Variants in RHBDL2 observed in about 807,000 individuals in gnomAD.
RHBDL2 encodes the protein rhomboid-related protein 2.
A neutral mutation model predicts 31.7 loss-of-function variants in RHBDL2; 26 were observed. That is an observed-to-expected ratio of 0.82 (90% CI 0.60 to 1.14). The LOEUF (loss-of-function observed/expected upper bound fraction) is 1.14. RHBDL2 is among the 50% of genes most tolerant of loss of function. The pLI is 0.00. For synonymous variants in RHBDL2, 123 were observed against 127.2 expected (o/e 0.97, Z 0.22); for missense variants, 336 against 364.4 (o/e 0.92, Z 0.63).
intron 4 of RHBDL2, among the ~76,000 whole-genome samples, chr1:38,898,277 C>A (rs921889408): frequency 3.3e-5 from 5 of 152,166 alleles, no homozygotes; most frequent in Non-Finnish European, 7.3e-5. Context: ...GCACTCCAGC[C>A]TGGTGACAGA....
At chr1:38,894,543 G>A (rs1247287549) in intron 5 of RHBDL2, among the ~76,000 whole-genome samples, 7 of 151,636 alleles carry the variant, frequency 4.6e-5, no homozygotes, top group African/African-American at 7.3e-5. Flanking sequence ...GGATGGTCCC[G>A]ATCTCTTGAC....
intron 6 of RHBDL2, among the ~76,000 whole-genome samples, chr1:38,890,892 C>T (rs1477154356): frequency 6.6e-6 from 1 of 152,140 alleles, no homozygotes; most frequent in East Asian, 1.9e-4. Flanking sequence ...CAGAGTCTCC[C>T]TATGTTTCAC....
chr1:38,910,988 AG>A (rs1394325739), intron 4 of RHBDL2, among the ~76,000 whole-genome samples: 3 of 152,084 alleles, frequency 2.0e-5, no homozygotes, highest in Admixed American at 1.3e-4. Context: ...CATATTGGCC[AG>A]GCTGGTCTCG....
chr1:38,919,779 G>A lies in RHBDL2; in HGVS notation c.-125-442C>T, dbSNP rs187995154. Among the ~76,000 whole-genome samples the A allele has an allele frequency of 4.2e-3, 636 of 151,964 alleles. 4 individuals carry two copies. Among genetic ancestry groups the A allele is most frequent in the Non-Finnish European group, 5.7e-3 (389 of 67,978 alleles). On this transcript the variant is annotated intron_variant, in intron 1 of 7. Transcript: ENST00000372990. ...AGTAGAGACAGGGTTTCACCATGTT[G>A]GCCAGGCTGGTCTCGAACTCCTGAC...
chr1:38,929,526 T>TAAA, intron 1 of RHBDL2: 1 of 1,289,404 alleles, frequency 7.8e-7, no homozygotes, highest in Non-Finnish European at 1.0e-6. Flanking sequence ...AGGGAGGTTT[T>TAAA]AAATATCTGA....
chr1:38,929,848 TGCTTTTTTA>T (rs757787455), intron 1 of RHBDL2, among the ~76,000 whole-genome samples: 73 of 152,260 alleles, frequency 4.8e-4, no homozygotes, highest in Non-Finnish European at 9.1e-4. Flanking sequence ...CCTGAAAGGA[TGCTTTTTTA>T]GCTACAGAAA....
intron 6 of RHBDL2, among the ~76,000 whole-genome samples, chr1:38,892,448 C>A (rs1051352463): frequency 1.3e-5 from 2 of 152,070 alleles, no homozygotes; most frequent in Non-Finnish European, 2.9e-5. Context: ...TGGCTTCCCC[C>A]ACTCCATAAA....
Position 38,915,258 on chromosome 1 carries a change from G to A in RHBDL2, c.395+304C>T, listed in dbSNP as rs370223148. Among the ~76,000 whole-genome samples the A allele has an allele frequency of 2.8e-4, 42 of 151,156 alleles. No individual in the cohort carries two copies. In the South Asian group the frequency reaches 7.6e-3, roughly 27 times the overall value. On this transcript the variant is annotated intron_variant, in intron 3 of 7. Coordinates refer to ENST00000372990, the MANE Select transcript of RHBDL2 (RefSeq NM_017821.5). ...AGCAATTCTCCTGCCTCAGCCTCCC[G>A]GGACTACAGGTATGCATCACCATGC...
At chr1:38,939,316 C>T (rs997797026) in intron 1 of RHBDL2, among the ~76,000 whole-genome samples, 3 of 152,222 alleles carry the variant, frequency 2.0e-5, no homozygotes, top group South Asian at 2.1e-4. Context: ...TCTCAGCTCA[C>T]GGCAGCCTTG....
chr1:38,892,679 T>G (rs2124302312), intron 6 of RHBDL2, among the ~76,000 whole-genome samples: 1 of 152,302 alleles, frequency 6.6e-6, no homozygotes, highest in East Asian at 1.9e-4. Flanking sequence ...GTGAGATGAT[T>G]ATGTGAAATA....
At chr1:38,897,590 C>T (rs560585904) in intron 4 of RHBDL2, among the ~76,000 whole-genome samples, 1 of 152,166 alleles carries the variant, frequency 6.6e-6, no homozygotes, top group Admixed American at 6.5e-5. Context: ...TGGTACCCGC[C>T]TGTGGTCCTT....
At chr1:38,897,657 G>A (rs1015999625) in intron 4 of RHBDL2, among the ~76,000 whole-genome samples, 6 of 152,196 alleles carry the variant, frequency 3.9e-5, no homozygotes, top group African/African-American at 1.4e-4. Flanking sequence ...TGAGGCTGCA[G>A]TGAGCTATCA....
intron 3 of RHBDL2, 60 bp from the exon 4 acceptor site, chr1:38,911,494 G>A (rs1643140840): frequency 9.0e-7 from 1 of 1,114,962 alleles, no homozygotes; most frequent in South Asian, 1.3e-5. Context: ...TATTTCCCTG[G>A]GAGATGAACA....
Position 38,932,837 on chromosome 1 carries a change from C to T in RHBDL2, c.-126+8845G>A, listed in dbSNP as rs199722826. ...AGCATGCCTCATCAGAACCAGAAGA[C>T]AGAATGACATCTCACACCATTCTGC... On this transcript the variant is annotated intron_variant, in intron 1 of 7. Coordinates refer to ENST00000372990, the MANE Select transcript of RHBDL2 (RefSeq NM_017821.5). Among the ~76,000 whole-genome samples, 3 of 152,158 alleles carry T rather than the reference C, an allele frequency of 2.0e-5. No homozygotes were observed. In the East Asian group the frequency reaches 5.8e-4, roughly 29 times the overall value.
At chr1:38,910,753 C>CTTTT (rs765064879) in intron 4 of RHBDL2, among the ~76,000 whole-genome samples, 391 of 110,884 alleles carry the variant, frequency 3.5e-3, no homozygotes, top group East Asian at 9.0e-3. Context: ...TATTCCTTTT[C>CTTTT]TTTTTTTTTT....
At chr1:38,916,334 C>T (rs761179338) in intron 2 of RHBDL2, among the ~76,000 whole-genome samples, 1 of 152,182 alleles carries the variant, frequency 6.6e-6, no homozygotes, top group Admixed American at 6.5e-5. Flanking sequence ...GGACATTCTA[C>T]AGGATCCCTA....
chr1:38,929,657 G>A (rs114228096), intron 1 of RHBDL2: 1 of 1,124,746 alleles, frequency 8.9e-7, no homozygotes. Context: ...GGCTGTGCTG[G>A]GTGTAGCCAA....
intron 1 of RHBDL2, among the ~76,000 whole-genome samples, chr1:38,922,878 G>A (rs1275017192): frequency 6.6e-6 from 1 of 152,114 alleles, no homozygotes; most frequent in African/African-American, 2.4e-5. Context: ...GATCACCTGA[G>A]GTCAGGAGCT....
chr1:38,890,299 C>T (rs766023262), intron 6 of RHBDL2, among the ~76,000 whole-genome samples: 2 of 152,106 alleles, frequency 1.3e-5, no homozygotes, highest in Non-Finnish European at 2.9e-5. Flanking sequence ...CGATTACAGG[C>T]GTGAGCTACC....
Sources: gnomAD v4.1 joint callset for allele counts (sites outside exome capture counted in the v4.1 genomes callset) on GRCh38, gnomAD v4.1.1 for gene constraint, MANE v1.5 for transcripts, NCBI Gene and HGNC (gene_info 2026-07-23, HGNC 2026-07-21) for gene names.